The following SENP6 variants were observed in gnomAD, a reference collection of about 807,000 sequenced individuals.
The protein encoded by SENP6 is sentrin-specific protease 6.
Under a neutral mutation model 134.5 loss-of-function variants are expected in SENP6, and 41 were observed. That is an observed-to-expected ratio of 0.30 (90% confidence interval 0.24 to 0.40). SENP6 has a LOEUF of 0.40. Ranked by LOEUF, SENP6 falls within the 10% of genes least tolerant of loss-of-function variation. The pLI is 1.00. For missense variants in SENP6, 1,248 were observed against 1,312.5 expected (o/e 0.95, Z 0.76); for synonymous variants, 395 against 429.8 (o/e 0.92, Z 1.00).
intron 12 of SENP6, 39 bp from the exon 13 acceptor site, chr6:75,675,821 C>CT (rs1242434993): frequency 1.3e-6 from 2 of 1,525,714 alleles, no homozygotes; most frequent in African/African-American, 2.8e-5. Flanking sequence ...ATATTACCCT[C>CT]TTAAGAATTA....
chr6:75,646,867 T>A (rs1415558700), intron 6 of SENP6: 2 of 152,072 alleles, frequency 1.3e-5, no homozygotes, highest in Non-Finnish European at 2.9e-5. Flanking sequence ...TACACTACTA[T>A]CTCCACCCAT....
At chr6:75,674,748 A>C (rs1026911235) in intron 11 of SENP6, among the ~76,000 whole-genome samples, 3 of 152,202 alleles carry the variant, frequency 2.0e-5, no homozygotes, top group Non-Finnish European at 4.4e-5. Flanking sequence ...GTAATTGCTA[A>C]ATTTATTTTA....
chr6:75,674,564 C>T (rs1772940362), intron 11 of SENP6, among the ~76,000 whole-genome samples: 1 of 152,174 alleles, frequency 6.6e-6, no homozygotes, highest in Non-Finnish European at 1.5e-5. Flanking sequence ...CTCAAGCCAT[C>T]CTCCCAAAAT....
In SENP6 at chr6:75,681,462, C is replaced by CT. The variant is rs35516779; in HGVS notation, c.2075+2548dup. Among the ~76,000 whole-genome samples, 325 of 144,792 alleles carry CT rather than the reference C, an allele frequency of 2.2e-3. 2 individuals carry two copies. Among genetic ancestry groups the CT allele is most frequent in the African/African-American group, 5.1e-3 (204 of 39,656 alleles). The allele number at this position is 144,792 out of a possible 152,430, so 95.0% of individuals were successfully genotyped here. ...ATAAATTACCCAGTCTCAGGTATTT[C>CT]TTTTTTTTTTTTTGGAGATGGAGTC... is the stretch of plus-strand genomic sequence containing the variant. On this transcript the variant is annotated intron_variant, in intron 16 of 23. Transcript: ENST00000447266.
chr6:75,692,827 G>A (rs546953344), intron 16 of SENP6, among the ~76,000 whole-genome samples: 13 of 151,300 alleles, frequency 8.6e-5, no homozygotes, highest in South Asian at 8.3e-4. Context: ...CACTTGGGAC[G>A]CCAAGGCAAG....
In SENP6 at chr6:75,677,180, G is replaced by A. The variant is rs2149878921; in HGVS notation, c.1772G>A (p.Arg591Lys). ...AKIPFEEANG[R>K]LVACTRTYEE... ...ATTCCCTTTGAAGAAGCTAATGGCA[G>A]ACTTGTTGCCTGTACAAGAACCTAT... The change falls in exon 14 of 24, where the codon AGA (arginine) becomes AAA (lysine). Residue 591 changes from arginine to lysine, a missense_variant. Physicochemically the swap from Arg to Lys is conservative, Grantham distance 26 (BLOSUM62 2). This residue lies in a region of SENP6 where 733 missense variants were observed against 725.4 expected (regional missense o/e 1.01). Transcript: ENST00000447266. 6 of 1,612,714 alleles carry A rather than the reference G, an allele frequency of 3.7e-6. No homozygotes were observed. The highest frequency in any genetic ancestry group is 5.1e-6 in the Non-Finnish European group (6 of 1,179,228).
chr6:75,666,174 CGT>C (rs1285168784), intron 9 of SENP6, among the ~76,000 whole-genome samples: 2 of 80,834 alleles, frequency 2.5e-5, no homozygotes, highest in Non-Finnish European at 7.7e-5. Context: ...ATATATAAAA[CGT>C]ATATATGATA....
intron 17 of SENP6, 91 bp downstream of exon 17, chr6:75,696,014 C>G: frequency 8.7e-7 from 1 of 1,149,692 alleles, no homozygotes; most frequent in Admixed American, 2.7e-5. Context: ...ACACAAATCT[C>G]TGCAGTTCTC....
At chr6:75,686,910 T>G (rs1192089840) in intron 16 of SENP6, among the ~76,000 whole-genome samples, 1 of 152,202 alleles carries the variant, frequency 6.6e-6, no homozygotes, top group African/African-American at 2.4e-5. Context: ...CTTTGTGGTG[T>G]TCTCTGCATT....
rs1775882565 is a variant in SENP6 at position 75,713,715 on chromosome 6, A to G, written c.3019A>G (p.Arg1007Gly). ...VEWEVKKGSK[R>G]SFSKDVMKGS... Reference sequence around the variant, plus strand: ...ATGGGAAGTTAAAAAAGGAAGCAAAAGAAGTTTTTCCAAAGATGTTATGAA... The same window carrying G: ...ATGGGAAGTTAAAAAAGGAAGCAAAGGAAGTTTTTCCAAAGATGTTATGAA... Residue 1007 changes from arginine (R) to glycine (G), a missense_variant, in exon 23 of 24, where the codon AGA becomes GGA. By Grantham distance (125) the Arg-to-Gly change is moderately radical (BLOSUM62 -2). Around this residue, in one of 3 missense-constraint regions of SENP6, gnomAD observed 386 missense variants for 395.0 expected, o/e 0.98. Coordinates refer to ENST00000447266, the MANE Select transcript of SENP6 (RefSeq NM_015571.4). 1 of 1,613,152 alleles carries G rather than the reference A, an allele frequency of 6.2e-7. No individual in the cohort carries two copies. The highest frequency in any genetic ancestry group is 8.5e-7 in the Non-Finnish European group (1 of 1,179,436).
intron 6 of SENP6, among the ~76,000 whole-genome samples, chr6:75,646,264 T>C (rs1340251228): frequency 1.3e-5 from 2 of 152,210 alleles, no homozygotes; most frequent in Admixed American, 6.5e-5. Flanking sequence ...ATTTTCATAA[T>C]GCATATCTTC....
intron 11 of SENP6, among the ~76,000 whole-genome samples, chr6:75,673,090 G>A (rs1201602847): frequency 6.6e-6 from 1 of 152,136 alleles, no homozygotes; most frequent in Non-Finnish European, 1.5e-5. Flanking sequence ...GCCTCCCAAA[G>A]TGCTGGGATT....
intron 3 of SENP6, among the ~76,000 whole-genome samples, chr6:75,626,143 G>GTTA (rs1768675554): frequency 1.3e-5 from 2 of 151,422 alleles, no homozygotes; most frequent in Admixed American, 6.6e-5. Flanking sequence ...TGTTGTTGTT[G>GTTA]TTTTTTAATT....
At chr6:75,674,631 C>G (rs930299078) in intron 11 of SENP6, among the ~76,000 whole-genome samples, 3 of 152,164 alleles carry the variant, frequency 2.0e-5, no homozygotes, top group Admixed American at 6.5e-5. Flanking sequence ...TTAATGTCCC[C>G]AAATAATTTG....
At chr6:75,602,602 G>C in intron 1 of SENP6, 26 bp downstream of exon 1, 1 of 1,548,936 alleles carries the variant, frequency 6.5e-7, no homozygotes, top group South Asian at 1.2e-5. Context: ...CCCTTGACGG[G>C]GAGAAGGGAG....
chr6:75,681,836 CT>C (rs1405590740), intron 16 of SENP6, among the ~76,000 whole-genome samples: 3 of 151,868 alleles, frequency 2.0e-5, no homozygotes, highest in Non-Finnish European at 2.9e-5. Flanking sequence ...TGAGACCAGC[CT>C]GGGCAACATA....
intron 16 of SENP6, among the ~76,000 whole-genome samples, chr6:75,684,249 T>C (rs1050745313): frequency 2.0e-5 from 3 of 152,244 alleles, no homozygotes; most frequent in African/African-American, 7.2e-5. Flanking sequence ...ATTGATTTTG[T>C]ATCCTGAGAC....
intron 3 of SENP6, among the ~76,000 whole-genome samples, chr6:75,627,026 C>T (rs1452346691): frequency 2.6e-5 from 4 of 151,898 alleles, no homozygotes; most frequent in East Asian, 1.9e-4. Flanking sequence ...GTGCATGGTG[C>T]GATATCGGCT....
At chr6:75,645,267 T>C (rs1234141284) in intron 6 of SENP6, among the ~76,000 whole-genome samples, 5 of 152,148 alleles carry the variant, frequency 3.3e-5, no homozygotes, top group Admixed American at 6.6e-5. Context: ...TTCAATGAGT[T>C]TGGAATTTGA....
Sources: gnomAD v4.1 joint callset for allele counts (sites outside exome capture counted in the v4.1 genomes callset) on GRCh38, gnomAD v4.1.1 for gene constraint, gnomAD v4.1.1 regional missense constraint, MANE v1.5 for transcripts, NCBI Gene and HGNC (gene_info 2026-07-23, HGNC 2026-07-21) for gene names.